PTAR1: variants seen among roughly 807,000 people sequenced by gnomAD.
PTAR1 encodes protein prenyltransferase alpha subunit repeat containing 1.
PTAR1 carries 17 observed loss-of-function variants against 45.5 expected under a neutral mutation model. The observed-to-expected ratio is 0.37, with a 90% confidence interval of 0.26 to 0.56. The LOEUF is 0.56. PTAR1 is among the 20% of genes least tolerant of loss of function. The probability of loss-of-function intolerance (pLI) is 0.77; values close to 1 mark genes in which losing one functional copy is unlikely to be tolerated. For synonymous variants in PTAR1, 169 were observed against 171.3 expected, an observed-to-expected ratio of 0.99 and a Z score of 0.11; for missense variants, 391 against 476.3, an observed-to-expected ratio of 0.82 and a Z score of 1.67.
At chr9:69,758,969 C>A (rs1588496991) in intron 1 of PTAR1, among the ~76,000 whole-genome samples, 1 of 151,970 alleles carries the variant, frequency 6.6e-6, no homozygotes, top group East Asian at 1.9e-4. Flanking sequence ...AAAGGAGGTA[C>A]ATTGTTGCTT....
intron 5 of PTAR1, among the ~76,000 whole-genome samples, chr9:69,728,639 T>C (rs1271324713): frequency 2.0e-5 from 3 of 152,198 alleles, no homozygotes; most frequent in Non-Finnish European, 2.9e-5. Flanking sequence ...GAAATGACTA[T>C]ATGTGCTTTT....
rs1253960042 is a variant in PTAR1, at chr9:69,712,139, T to C, written c.*6203A>G. 6.6e-6 allele frequency: 1 copy of C among 152,120 alleles called. No individual in the cohort carries two copies. Among genetic ancestry groups the C allele is most frequent in the East Asian group, 1.9e-4 (1 of 5,190 alleles). The allele number at this position is 152,120 out of a possible 1,614,324, so 9.4% of individuals were successfully genotyped here. A position where few individuals can be genotyped will look rare whatever the true frequency, so the allele number is the denominator to read the frequency against. On this transcript the variant is annotated 3_prime_UTR_variant, in exon 8 of 8. Coordinates refer to ENST00000340434, the MANE Select transcript of PTAR1 (RefSeq NM_001099666.2). ...CTCAAATTTATTACCTATCACCTTATAATGATAAATAAGCAATCTAAAGTA... is the reference window on the plus strand; with the variant it reads ...CTCAAATTTATTACCTATCACCTTACAATGATAAATAAGCAATCTAAAGTA...
intron 1 of PTAR1, among the ~76,000 whole-genome samples, chr9:69,754,867 T>C (rs899787016): frequency 7.9e-5 from 12 of 151,966 alleles, no homozygotes; most frequent in Non-Finnish European, 1.3e-4. Flanking sequence ...TATACATCCT[T>C]TTTTCCTGAG....
intron 6 of PTAR1, among the ~76,000 whole-genome samples, chr9:69,721,858 T>C (rs892967973): frequency 2.6e-5 from 4 of 152,120 alleles, no homozygotes; most frequent in East Asian, 3.9e-4. Context: ...TCTTAGACTA[T>C]AGTGTAATGT....
Position 69,710,582 on chromosome 9 carries a change from A to G in PTAR1, c.*7760T>C, listed in dbSNP as rs1419790000. 2 of 152,176 alleles carry G rather than the reference A, an allele frequency of 1.3e-5. No homozygotes were observed. Among genetic ancestry groups the G allele is most frequent in the Admixed American group, 1.3e-4 (2 of 15,254 alleles). 9.4% of individuals were successfully genotyped at this position (152,176 alleles called of 1,614,324 possible). ...CTGCATATAAATTATTGCAAAATTCATTCTTATCTCTCTGAAAGATATGCA... is the reference window on the plus strand; with the variant it reads ...CTGCATATAAATTATTGCAAAATTCGTTCTTATCTCTCTGAAAGATATGCA... On this transcript the variant is annotated 3_prime_UTR_variant, in exon 8 of 8. Transcript: ENST00000340434.
intron 3 of PTAR1, among the ~76,000 whole-genome samples, chr9:69,739,101 C>T (rs942213139): frequency 2.0e-5 from 3 of 152,158 alleles, no homozygotes; most frequent in African/African-American, 4.8e-5. Context: ...CCACCATGCC[C>T]GGCCAAATAC....
intron 5 of PTAR1, among the ~76,000 whole-genome samples, chr9:69,730,187 T>C (rs540214525): frequency 6.6e-6 from 1 of 152,176 alleles, no homozygotes; most frequent in African/African-American, 2.4e-5. Flanking sequence ...AAGTGGTGAA[T>C]GGAAGAATGG....
At chr9:69,757,999 C>T (rs1433860558) in intron 1 of PTAR1, 1 of 151,886 alleles carries the variant, frequency 6.6e-6, no homozygotes, top group Admixed American at 6.6e-5. Context: ...TACATTATTC[C>T]GAATATCCAA....
At chr9:69,728,570 A>G (rs879832642) in intron 5 of PTAR1, among the ~76,000 whole-genome samples, 1 of 152,176 alleles carries the variant, frequency 6.6e-6, no homozygotes, top group Admixed American at 6.5e-5. Context: ...TTTCCCTAAT[A>G]GTAAAGATGG....
At position 69,759,894 on chromosome 9, in the gene PTAR1, A is replaced by C. The variant is rs1827014294; in HGVS notation, c.45T>G (p.Val15=). 1.3e-6 allele frequency: 2 copies of C among 1,530,586 alleles called. No homozygotes were observed. Among genetic ancestry groups the C allele is most frequent in the South Asian group, 1.2e-5 (1 of 82,212 alleles). 94.8% of individuals were successfully genotyped at this position (1,530,586 alleles called of 1,614,324 possible). ...SEEVAVLVQR[V]VKDITNAFRR... ...TGAAGGCGTTAGTGATGTCCTTCAC[A>C]ACCCGCTGCACCAGCACCGCCACCT... Residue 15 remains valine, a synonymous_variant, in exon 1 of 8, where the codon GTT becomes GTG. Transcript: ENST00000340434.
At position 69,759,967 on chromosome 9, in the gene PTAR1, C is replaced by CGCCTCCGCGTGAGCCGG. The variant is rs754194827; in HGVS notation, c.-46_-30dup. 2.3e-5 allele frequency: 34 copies of CGCCTCCGCGTGAGCCGG among 1,451,992 alleles called. 1 individual carries two copies. In the South Asian group the frequency reaches 4.6e-4, roughly 20 times the overall value. The allele number at this position is 1,451,992 out of a possible 1,614,324, so 89.9% of individuals were successfully genotyped here. On this transcript the variant is annotated 5_prime_UTR_variant, in exon 1 of 8. Transcript: ENST00000340434. Reference sequence around the variant, plus strand: ...GGCGGCGGCCGCGACAGTTCGGGCGCGCCTCCGCGTGAGCCGGGCCGCCGG... The same window carrying CGCCTCCGCGTGAGCCGG: ...GGCGGCGGCCGCGACAGTTCGGGCGCGCCTCCGCGTGAGCCGGGCCTCCGCGTGAGCCGGGCCGCCGG...
rs745899930 is a variant in PTAR1 at position 69,723,373 on chromosome 9, A to C, written c.900T>G (p.Thr300=). 1.2e-6 allele frequency: 2 copies of C among 1,613,940 alleles called. No individual in the cohort carries two copies. Among genetic ancestry groups the C allele is most frequent in the Non-Finnish European group, 1.7e-6 (2 of 1,179,828 alleles). The part of the protein sequence containing the change: ...HLLEEEVEFS[T]DLIDSYPGHE... ...GTCCTGGGTAGGAATCAATAAGATC[A>C]GTGCTGAATTCAACTTCTTCTTCTA... Residue 300 remains threonine, a synonymous_variant, in exon 6 of 8, where the codon ACT becomes ACG. Coordinates refer to ENST00000340434, the MANE Select transcript of PTAR1 (RefSeq NM_001099666.2).
intron 3 of PTAR1, among the ~76,000 whole-genome samples, chr9:69,740,139 A>G (rs1172583397): frequency 3.9e-5 from 6 of 152,202 alleles, no homozygotes; most frequent in Non-Finnish European, 1.5e-5. Flanking sequence ...TTTTTCTCCT[A>G]TGCTCAACTG....
At chr9:69,743,455 T>C (rs1826127685) in intron 2 of PTAR1, among the ~76,000 whole-genome samples, 1 of 152,218 alleles carries the variant, frequency 6.6e-6, no homozygotes, top group South Asian at 2.1e-4. Flanking sequence ...TATTTTATTC[T>C]ATCTTAATAG....
chr9:69,753,863 T>C (rs1826642235), intron 1 of PTAR1, among the ~76,000 whole-genome samples: 2 of 152,188 alleles, frequency 1.3e-5, no homozygotes, highest in South Asian at 4.1e-4. Flanking sequence ...TATCCTCATC[T>C]GAAACACAGG....
chr9:69,759,823 C>T (rs950797510), intron 1 of PTAR1, 30 bp downstream of exon 1: 1 of 1,510,828 alleles, frequency 6.6e-7, no homozygotes. Flanking sequence ...TCCCGACGAC[C>T]CTCGGAGGCG....
At chr9:69,726,961 CTT>C (rs200196199) in intron 5 of PTAR1, among the ~76,000 whole-genome samples, 1 of 140,454 alleles carries the variant, frequency 7.1e-6, no homozygotes, top group African/African-American at 2.6e-5. Context: ...AAGTAAAATT[CTT>C]TTTTTTCTTT....
At chr9:69,731,585 TA>T (rs1825539451) in intron 5 of PTAR1, among the ~76,000 whole-genome samples, 1 of 152,160 alleles carries the variant, frequency 6.6e-6, no homozygotes, top group South Asian at 2.1e-4. Flanking sequence ...TGCATTCAAA[TA>T]ACCCTGAGTC....
chr9:69,759,889 T>C lies in PTAR1; in HGVS notation c.50A>G (p.Lys17Arg). ...CCTCCTGAAGGCGTTAGTGATGTCC[T>C]TCACAACCCGCTGCACCAGCACCGC... ...EVAVLVQRVVKDITNAFRRNP... is the reference protein window; with the variant it reads ...EVAVLVQRVVRDITNAFRRNP... The change falls in exon 1 of 8, where the codon AAG becomes AGG. Residue 17 changes from lysine to arginine, a missense_variant. By Grantham distance (26) the Lys-to-Arg change is conservative. Around this residue, in one of 5 missense-constraint regions of PTAR1, gnomAD observed 152 missense variants for 160.0 expected, o/e 0.95. Transcript: ENST00000340434. 6.5e-7 allele frequency: 1 copy of C among 1,530,636 alleles called. No homozygotes were observed. The highest frequency in any genetic ancestry group is 2.0e-5 in the Admixed American group (1 of 50,100). The allele number at this position is 1,530,636 out of a possible 1,614,324, so 94.8% of individuals were successfully genotyped here.
Sources: allele counts gnomAD v4.1 joint callset (sites outside exome capture counted in the v4.1 genomes callset), GRCh38; gene constraint gnomAD v4.1.1; regional missense constraint gnomAD v4.1.1; transcripts MANE v1.5; gene names NCBI Gene and HGNC (gene_info 2026-07-23, HGNC 2026-07-21).